ITPR1: variants seen among roughly 807,000 people sequenced by gnomAD.
ITPR1 encodes the protein inositol 1,4,5-trisphosphate receptor type 1.
Under a neutral mutation model 318.4 loss-of-function variants are expected in ITPR1, and 96 were observed. The observed-to-expected ratio is 0.30, with a 90% CI of 0.26 to 0.36. ITPR1 has a LOEUF of 0.36. ITPR1 is among the 10% of genes least tolerant of loss of function. The pLI is 1.00. For synonymous variants in ITPR1, 1,312 were observed against 1,289.9 expected, an observed-to-expected ratio of 1.02 and a Z score of -0.37; for missense variants, 2,440 against 3,460.2, an observed-to-expected ratio of 0.71 and a Z score of 7.40.
chr3:4,573,509 A>G (rs1167598272), intron 4 of ITPR1, among the ~76,000 whole-genome samples: 2 of 152,212 alleles, frequency 1.3e-5, no homozygotes, highest in Admixed American at 1.3e-4. Context: ...ACATATTGTC[A>G]TTCCTCTGCT....
At chr3:4,708,827 C>G (rs866864250) in intron 37 of ITPR1, among the ~76,000 whole-genome samples, 1 of 152,202 alleles carries the variant, frequency 6.6e-6, no homozygotes, top group Non-Finnish European at 1.5e-5. Context: ...ATAAGAAATT[C>G]ACTCGCAAAC....
chr3:4,780,949 A>G lies in ITPR1; in HGVS notation c.6387+1304A>G, dbSNP rs560238380. ...TCTTGGGCAGCCCCCCGGTGGTTGG[A>G]GAACATCATTCTGGCTCATAGGAGG... On this transcript the variant is annotated intron_variant, in intron 49 of 61. Coordinates refer to ENST00000649015, the MANE Select transcript of ITPR1 (RefSeq NM_001378452.1). Among the ~76,000 whole-genome samples, 7 of 152,350 alleles carry G rather than the reference A, an allele frequency of 4.6e-5. No homozygotes were observed. In the South Asian group the frequency reaches 1.2e-3, roughly 27 times the overall value.
chr3:4,670,337 T>A lies in ITPR1; in HGVS notation c.2007-392T>A, dbSNP rs190346385. Among the ~76,000 whole-genome samples, 10 of 152,356 alleles carry A rather than the reference T, an allele frequency of 6.6e-5. No individual in the cohort carries two copies. In the East Asian group the frequency reaches 1.9e-3, roughly 29 times the overall value. ...CACATGTATAACTCAGTTTTGGGCT[T>A]GGGCTAATGCAGGGTTTTTCAGTTT... On this transcript the variant is annotated intron_variant, in intron 19 of 61. Coordinates refer to ENST00000649015, the MANE Select transcript of ITPR1 (RefSeq NM_001378452.1).
chr3:4,846,514 T>TAA lies in ITPR1; in HGVS notation c.*292_*293dup. ...TTGCACTTGAACCAGATTATAGATTTAAAAGTATATGACATGTATTTTGTA... is the reference window on the plus strand; with the variant it reads ...TTGCACTTGAACCAGATTATAGATTTAAAAAAGTATATGACATGTATTTTGTA... On this transcript the variant is annotated 3_prime_UTR_variant, in exon 62 of 62. Transcript: ENST00000649015. The TAA allele has an allele frequency of 4.2e-6, 1 of 240,706 alleles. No individual in the cohort carries two copies. The highest frequency in any genetic ancestry group is 1.3e-4 in the South Asian group (1 of 7,854). The allele number at this position is 240,706 out of a possible 1,614,324, so 14.9% of individuals were successfully genotyped here. A position where few individuals can be genotyped will look rare whatever the true frequency, so the allele number is the denominator to read the frequency against.
At chr3:4,651,600 T>C (rs1164806030) in intron 10 of ITPR1, among the ~76,000 whole-genome samples, 1 of 152,246 alleles carries the variant, frequency 6.6e-6, no homozygotes, top group Non-Finnish European at 1.5e-5. Flanking sequence ...ATTTCATCTA[T>C]TCTCTGCAGT....
chr3:4,573,523 A>G (rs2088263475), intron 4 of ITPR1, among the ~76,000 whole-genome samples: 1 of 152,208 alleles, frequency 6.6e-6, no homozygotes, highest in Non-Finnish European at 1.5e-5. Flanking sequence ...CTCTGCTTAA[A>G]ACTTTCTAAT....
chr3:4,593,162 G>A (rs984150987), intron 4 of ITPR1, among the ~76,000 whole-genome samples: 2 of 152,210 alleles, frequency 1.3e-5, no homozygotes, highest in African/African-American at 4.8e-5. Context: ...GGGGTTGAAG[G>A]AGATTTTAGG....
intron 4 of ITPR1, 77 bp from the exon 5 acceptor site, chr3:4,627,686 A>G: frequency 1.2e-6 from 1 of 844,470 alleles, no homozygotes; most frequent in South Asian, 1.4e-5. Context: ...TTTTAAGTGG[A>G]AAGCCTTTTT....
At chr3:4,530,983 C>A (rs1378863245) in intron 4 of ITPR1, among the ~76,000 whole-genome samples, 2 of 152,118 alleles carry the variant, frequency 1.3e-5, no homozygotes, top group East Asian at 3.9e-4. Context: ...TTGTTAAGTA[C>A]CTTCCTCCTT....
chr3:4,828,483 G>A (rs1559968308), intron 60 of ITPR1, among the ~76,000 whole-genome samples: 1 of 152,134 alleles, frequency 6.6e-6, no homozygotes, highest in South Asian at 2.1e-4. Flanking sequence ...GTCCAGCACG[G>A]GTGGCCGGCC....
chr3:4,600,381 G>T (rs987619055), intron 4 of ITPR1, among the ~76,000 whole-genome samples: 3 of 152,070 alleles, frequency 2.0e-5, no homozygotes, highest in Non-Finnish European at 4.4e-5. Context: ...CCGAGCCCCA[G>T]GTTTTGTTGT....
chr3:4,685,237 C>T (rs946100080), intron 30 of ITPR1, 31 bp downstream of exon 30: 2 of 1,573,774 alleles, frequency 1.3e-6, no homozygotes, highest in South Asian at 1.1e-5. Context: ...AGCAGCTGCT[C>T]TCAGGATGGG....
At chr3:4,728,516 GCA>G (rs2042684036) in intron 42 of ITPR1, among the ~76,000 whole-genome samples, 1 of 152,142 alleles carries the variant, frequency 6.6e-6, no homozygotes, top group Admixed American at 6.5e-5. Flanking sequence ...TTTGACACAG[GCA>G]CACAATGTGA....
At chr3:4,497,690 C>T (rs1470639111) in intron 2 of ITPR1, among the ~76,000 whole-genome samples, 2 of 152,128 alleles carry the variant, frequency 1.3e-5, no homozygotes, top group African/African-American at 2.4e-5. Context: ...CTATATGTCC[C>T]AGCAATTCCA....
intron 4 of ITPR1, among the ~76,000 whole-genome samples, chr3:4,530,278 C>T (rs1317422356): frequency 2.0e-5 from 3 of 152,206 alleles, no homozygotes; most frequent in Admixed American, 2.0e-4. Flanking sequence ...GCCCTGCACT[C>T]CTGGCCCAGC....
chr3:4,826,209 C>G lies in ITPR1; in HGVS notation c.8028+7967C>G, dbSNP rs1360884837. ...TGGGTTTGGGCTTTTATTCTGAATT[C>G]CAGTGAGGATGCTGGCAGGAAGGGA... On this transcript the variant is annotated intron_variant, in intron 60 of 61. Transcript: ENST00000649015. This position sits in a 1 kb window ranked among gnomAD's most constrained non-coding sequence, Gnocchi z 4.2. 6.6e-6 allele frequency among the ~76,000 whole-genome samples: 1 copy of G among 152,212 alleles called. No homozygotes were observed. Among genetic ancestry groups the G allele is most frequent in the Non-Finnish European group, 1.5e-5 (1 of 68,030 alleles).
chr3:4,562,302 A>G (rs2086763678), intron 4 of ITPR1, among the ~76,000 whole-genome samples: 1 of 151,936 alleles, frequency 6.6e-6, no homozygotes, highest in South Asian at 2.1e-4. Flanking sequence ...AAATTATTAG[A>G]CAGTAATGTT....
At position 4,744,079 on chromosome 3, in the gene ITPR1, G is replaced by A. The variant is rs181629562; in HGVS notation, c.5544+8725G>A. ...TTGAGCTCCAGACGTCAAGTGATCC[G>A]CCCGCCTCAGCCTCCCAAAGTGCTG... On this transcript the variant is annotated intron_variant, in intron 44 of 61. Transcript: ENST00000649015. Among the ~76,000 whole-genome samples the A allele has an allele frequency of 3.6e-3, 553 of 152,124 alleles. 3 individuals carry two copies. Among genetic ancestry groups the A allele is most frequent in the Non-Finnish European group, 5.7e-3 (389 of 67,980 alleles).
At position 4,784,566 on chromosome 3, in the gene ITPR1, G is replaced by GT. The variant is rs767602327; in HGVS notation, c.6615+662dup. 2.6e-3 allele frequency among the ~76,000 whole-genome samples: 356 copies of GT among 135,310 alleles called. 1 individual carries two copies. The highest frequency in any genetic ancestry group is 0.011 in the Middle Eastern group (3 of 264). 88.8% of individuals were successfully genotyped at this position (135,310 alleles called of 152,430 possible). A position where few individuals can be genotyped will look rare whatever the true frequency, so the allele number is the denominator to read the frequency against. ...CATTACAATCAGATCTGTGTTTTTT[G>GT]TTTTTTTTTTTTTTTTAAAAAAGGT... is the stretch of plus-strand genomic sequence containing the variant. On this transcript the variant is annotated intron_variant, in intron 51 of 61. Coordinates refer to ENST00000649015, the MANE Select transcript of ITPR1 (RefSeq NM_001378452.1).
Sources: allele counts gnomAD v4.1 joint callset (sites outside exome capture counted in the v4.1 genomes callset), GRCh38; gene constraint gnomAD v4.1.1; non-coding constraint Gnocchi (gnomAD v3.1); transcripts MANE v1.5; gene names NCBI Gene and HGNC (gene_info 2026-07-23, HGNC 2026-07-21).